The following DYRK4 variants were observed in gnomAD, a reference collection of about 807,000 sequenced individuals.
DYRK4 encodes dual specificity tyrosine-phosphorylation-regulated kinase 4.
A neutral mutation model predicts 68.3 loss-of-function variants in DYRK4; 64 were observed. That is an observed-to-expected ratio of 0.94 (90% CI 0.77 to 1.15). The LOEUF (loss-of-function observed/expected upper bound fraction) is 1.15. DYRK4 is among the 50% of genes most tolerant of loss of function. The pLI, the probability that DYRK4 is intolerant of heterozygous loss-of-function variation, is 0.00. For missense variants in DYRK4, 740 were observed against 764.7 expected (o/e 0.97, Z 0.38); for synonymous variants, 274 against 289.9 (o/e 0.95, Z 0.56).
At chr12:4,574,000 T>C (rs946540418) in intron 2 of DYRK4, among the ~76,000 whole-genome samples, 10 of 151,690 alleles carry the variant, frequency 6.6e-5, no homozygotes, top group Admixed American at 2.6e-4. Flanking sequence ...CCAAGGCGGG[T>C]GGATCACAAG....
chr12:4,582,164 C>G (rs763790223), intron 2 of DYRK4, among the ~76,000 whole-genome samples: 2 of 152,164 alleles, frequency 1.3e-5, no homozygotes, highest in African/African-American at 4.8e-5. Context: ...AGAGTCTTGG[C>G]CAGGAGCAGT....
chr12:4,604,222 C>T (rs1945113925), intron 10 of DYRK4, among the ~76,000 whole-genome samples: 1 of 152,160 alleles, frequency 6.6e-6, no homozygotes, highest in South Asian at 2.1e-4. Context: ...CAAAGTACCA[C>T]AAACACATTT....
chr12:4,604,773 G>C lies in DYRK4; in HGVS notation c.1127-141G>C, dbSNP rs546747586. On this transcript the variant is annotated intron_variant, in intron 10 of 14. Coordinates refer to ENST00000543431, the MANE Select transcript of DYRK4 (RefSeq NM_001394779.1). ...GGATTTGATGCTGTGATGGTGTAAT[G>C]GGAGTTCTAAGTGCTGGCCAGCTGC... is the stretch of plus-strand genomic sequence containing the variant. 6.6e-5 allele frequency: 63 copies of C among 947,558 alleles called. No homozygotes were observed. In the African/African-American group the frequency reaches 1.0e-3, roughly 15 times the overall value. The allele number at this position is 947,558 out of a possible 1,614,324, so 58.7% of individuals were successfully genotyped here. A position where few individuals can be genotyped will look rare whatever the true frequency, so the allele number is the denominator to read the frequency against.
At position 4,605,109 on chromosome 12, in the gene DYRK4, G is replaced by C. The variant is rs139027322; in HGVS notation, c.1299+23G>C. ...GAGGTACGCGGAGGGCTGGCGGTCG[G>C]CTCCCACGGAGACCGTGGGCTTGGC... On this transcript the variant is annotated intron_variant, in intron 11 of 14. Coordinates refer to ENST00000543431, the MANE Select transcript of DYRK4 (RefSeq NM_001394779.1). 1,179 of 1,604,332 alleles carry C rather than the reference G, an allele frequency of 7.3e-4. 6 individuals carry two copies. The African/African-American group carries it at 9.9e-3, about 14-fold the overall frequency.
chr12:4,575,295 C>CA (rs1314784197), intron 2 of DYRK4, among the ~76,000 whole-genome samples: 1 of 56,096 alleles, frequency 1.8e-5, no homozygotes, highest in Admixed American at 2.0e-4. Context: ...CTAACAATAA[C>CA]TTACTGTGTG....
intron 2 of DYRK4, chr12:4,573,303 T>C: frequency 5.4e-6 from 7 of 1,289,426 alleles, no homozygotes; most frequent in Non-Finnish European, 7.1e-6. Flanking sequence ...AGGAGAGTTT[T>C]ACATAGTTTT....
In DYRK4 at chr12:4,613,813, A is replaced by T. The variant is rs1455274978; in HGVS notation, c.*60A>T. 2 of 1,425,970 alleles carry T rather than the reference A, an allele frequency of 1.4e-6. No homozygotes were observed. The highest frequency in any genetic ancestry group is 1.9e-6 in the Non-Finnish European group (2 of 1,080,654). 88.3% of individuals were successfully genotyped at this position (1,425,970 alleles called of 1,614,324 possible). A position where few individuals can be genotyped will look rare whatever the true frequency, so the allele number is the denominator to read the frequency against. On this transcript the variant is annotated 3_prime_UTR_variant, in exon 15 of 15. Transcript: ENST00000543431. This position sits in a 1 kb window ranked among gnomAD's most constrained non-coding sequence, Gnocchi z 4.0. The stretch of plus-strand genomic sequence containing the variant: ...AGTGATTTGTATTAAGACAGCACTT[A>T]TATTGTACAATACTTCAGACTGTTT...
intron 10 of DYRK4, chr12:4,603,355 G>T: frequency 3.9e-6 from 2 of 511,200 alleles, no homozygotes; most frequent in South Asian, 6.6e-5. Context: ...ACCCCTCCAG[G>T]TCCTTTTCAG....
At chr12:4,601,092 A>G (rs1206629391) in intron 10 of DYRK4, among the ~76,000 whole-genome samples, 1 of 152,206 alleles carries the variant, frequency 6.6e-6, no homozygotes, top group Admixed American at 6.5e-5. Flanking sequence ...TCAAGAAATT[A>G]AAAAGGTTTT....
At chr12:4,576,125 A>C (rs1345942257) in intron 2 of DYRK4, among the ~76,000 whole-genome samples, 4 of 152,182 alleles carry the variant, frequency 2.6e-5, no homozygotes, top group Non-Finnish European at 5.9e-5. Flanking sequence ...CTATTATAGG[A>C]TGATACCGGA....
At chr12:4,599,600 A>G (rs969973892) in intron 9 of DYRK4, 107 bp from the exon 10 acceptor site, 25 of 743,290 alleles carry the variant, frequency 3.4e-5, no homozygotes, top group Non-Finnish European at 5.2e-5. Context: ...ATGCCCATGG[A>G]GGTGGTCATA....
chr12:4,596,430 A>G, intron 7 of DYRK4, 145 bp downstream of exon 7: 1 of 1,508,256 alleles, frequency 6.6e-7, no homozygotes, highest in East Asian at 2.4e-5. Flanking sequence ...TGATTCCATG[A>G]GGGGGCAAAG....
At chr12:4,605,124 G>A (rs754436343) in intron 11 of DYRK4, 38 bp downstream of exon 11, 3 of 1,587,788 alleles carry the variant, frequency 1.9e-6, no homozygotes, top group African/African-American at 1.3e-5. Flanking sequence ...CACGGAGACC[G>A]TGGGCTTGGC....
chr12:4,584,386 T>G (rs1344711301), intron 2 of DYRK4, among the ~76,000 whole-genome samples: 1 of 152,126 alleles, frequency 6.6e-6, no homozygotes, highest in Non-Finnish European at 1.5e-5. Flanking sequence ...AGGCAGGTGT[T>G]GCCGGAAGAA....
intron 10 of DYRK4, among the ~76,000 whole-genome samples, chr12:4,603,840 G>A (rs1208955749): frequency 2.0e-5 from 3 of 152,154 alleles, no homozygotes; most frequent in Admixed American, 6.5e-5. Context: ...CAAGATGCTC[G>A]GAACTGAATT....
At chr12:4,606,293 G>GCTATCTATCTATCTATCTAT (rs3083726) in intron 11 of DYRK4, among the ~76,000 whole-genome samples, 89 of 151,148 alleles carry the variant, frequency 5.9e-4, no homozygotes, top group African/African-American at 1.6e-3. Context: ...TGGCTGGCTG[G>GCTATCTATCTATCTATCTAT]CTATCTATCT....
At chr12:4,576,798 A>G (rs1334584372) in intron 2 of DYRK4, among the ~76,000 whole-genome samples, 1 of 152,174 alleles carries the variant, frequency 6.6e-6, no homozygotes, top group Non-Finnish European at 1.5e-5. Flanking sequence ...TTTGACATCT[A>G]TATATCTTAT....
chr12:4,568,096 G>A lies in DYRK4; in HGVS notation c.132+48G>A. The A allele has an allele frequency of 2.0e-6, 3 of 1,494,194 alleles. No individual in the cohort carries two copies. In the South Asian group the frequency reaches 3.6e-5, roughly 18 times the overall value. The allele number at this position is 1,494,194 out of a possible 1,614,324, so 92.6% of individuals were successfully genotyped here. A position where few individuals can be genotyped will look rare whatever the true frequency, so the allele number is the denominator to read the frequency against. On this transcript the variant is annotated intron_variant, in intron 2 of 14. Coordinates refer to ENST00000543431, the MANE Select transcript of DYRK4 (RefSeq NM_001394779.1). Reference sequence around the variant, plus strand: ...TGGGGAAGAGAGGTATCATTGCGAGGTCCTAGGGACTCAGGACCCAGTGCT... The same window carrying A: ...TGGGGAAGAGAGGTATCATTGCGAGATCCTAGGGACTCAGGACCCAGTGCT...
At chr12:4,571,813 C>T (rs1449906688) in intron 2 of DYRK4, among the ~76,000 whole-genome samples, 2 of 152,106 alleles carry the variant, frequency 1.3e-5, no homozygotes, top group Admixed American at 6.5e-5. Flanking sequence ...ATACTCATGA[C>T]TCACATAATG....
Sources: allele counts gnomAD v4.1 joint callset (sites outside exome capture counted in the v4.1 genomes callset), GRCh38; gene constraint gnomAD v4.1.1; non-coding constraint Gnocchi (gnomAD v3.1); transcripts MANE v1.5; gene names NCBI Gene and HGNC (gene_info 2026-07-23, HGNC 2026-07-21).